Variants in EMSY observed in about 807,000 individuals in gnomAD.
EMSY encodes BRCA2-interacting transcriptional repressor EMSY.
A neutral mutation model predicts 134.6 loss-of-function variants in EMSY; 26 were observed. That is an observed-to-expected ratio of 0.19 (90% CI 0.14 to 0.27). EMSY has a LOEUF of 0.27. Among genes scored for constraint, EMSY ranks in the 10% least tolerant of loss-of-function variants. EMSY has a pLI of 1.00. For synonymous variants in EMSY, 579 were observed against 577.8 expected (o/e 1.00, Z -0.03); for missense variants, 1,305 against 1,611.4 (o/e 0.81, Z 3.26).
At chr11:76,512,148 T>C (rs1950300070) in intron 9 of EMSY, among the ~76,000 whole-genome samples, 1 of 152,214 alleles carries the variant, frequency 6.6e-6, no homozygotes, top group Non-Finnish European at 1.5e-5. Flanking sequence ...CATGAATTAT[T>C]TCAGTGAAGA....
At chr11:76,464,188 G>T in intron 7 of EMSY, 108 bp downstream of exon 8, 1 of 1,306,620 alleles carries the variant, frequency 7.7e-7, no homozygotes. Flanking sequence ...CATTATGCTG[G>T]GGATGTTCAC....
At chr11:76,449,566 C>T (rs1947566548) in intron 2 of EMSY, among the ~76,000 whole-genome samples, 1 of 152,178 alleles carries the variant, frequency 6.6e-6, no homozygotes, top group South Asian at 2.1e-4. Context: ...TTGACCTCTT[C>T]ATTTCTTTTT....
At position 76,512,223 on chromosome 11, in the gene EMSY, G is replaced by A. The variant is rs529900776; in HGVS notation, c.1364-1163G>A. On this transcript the variant is annotated intron_variant, in intron 9 of 20. Transcript: ENST00000334736. Reference sequence around the variant, plus strand: ...TAGCTACCAATTTAAATTTATAGTTGGCATAGGAAATTTTATTTTAACCCT... The same window carrying A: ...TAGCTACCAATTTAAATTTATAGTTAGCATAGGAAATTTTATTTTAACCCT... Among the ~76,000 whole-genome samples, 4 of 152,012 alleles carry A rather than the reference G, an allele frequency of 2.6e-5. No homozygotes were observed. The South Asian group carries it at 8.3e-4, about 32-fold the overall frequency.
At chr11:76,465,426 G>T (rs956546988) in intron 7 of EMSY, among the ~76,000 whole-genome samples, 1 of 151,918 alleles carries the variant, frequency 6.6e-6, no homozygotes, top group Non-Finnish European at 1.5e-5. Context: ...TAGGATTTTT[G>T]GGTGTAAATA....
chr11:76,539,064 A>C (rs1451729439), intron 16 of EMSY, among the ~76,000 whole-genome samples: 1 of 152,226 alleles, frequency 6.6e-6, no homozygotes, highest in Non-Finnish European at 1.5e-5. Flanking sequence ...TCTGGCAGCA[A>C]AACACTGAGA....
chr11:76,533,419 A>C (rs1174361912), intron 14 of EMSY, among the ~76,000 whole-genome samples: 1 of 152,150 alleles, frequency 6.6e-6, no homozygotes, highest in African/African-American at 2.4e-5. Context: ...TCAATATGAA[A>C]AAACTTTCTG....
At chr11:76,476,455 A>G (rs1310399189) in intron 8 of EMSY, among the ~76,000 whole-genome samples, 8 of 152,172 alleles carry the variant, frequency 5.3e-5, no homozygotes, top group Admixed American at 5.2e-4. Context: ...GCTTACCCTG[A>G]GGTACAATTC....
intron 17 of EMSY, among the ~76,000 whole-genome samples, chr11:76,541,813 T>C (rs1343168827): frequency 1.3e-5 from 2 of 152,190 alleles, no homozygotes; most frequent in African/African-American, 4.8e-5. Context: ...CTTAAAGATA[T>C]TATTTTGGGA....
chr11:76,519,150 C>T (rs1156551515), intron 11 of EMSY, among the ~76,000 whole-genome samples: 4 of 151,334 alleles, frequency 2.6e-5, no homozygotes, highest in South Asian at 2.1e-4. Context: ...CTGCTACCCC[C>T]GCCTCCCAGG....
chr11:76,505,742 A>G (rs569962904), intron 9 of EMSY, among the ~76,000 whole-genome samples: 4 of 152,150 alleles, frequency 2.6e-5, no homozygotes, highest in African/African-American at 4.8e-5. Context: ...CTGTAGTCCC[A>G]GCTACTTGGG....
At chr11:76,474,868 A>G (rs1040246174) in intron 8 of EMSY, among the ~76,000 whole-genome samples, 22 of 152,020 alleles carry the variant, frequency 1.4e-4, no homozygotes, top group African/African-American at 5.3e-4. Flanking sequence ...GGTTCAAGCA[A>G]TTCTCCTGCC....
chr11:76,488,265 A>G (rs569433105), intron 8 of EMSY, among the ~76,000 whole-genome samples: 1 of 152,344 alleles, frequency 6.6e-6, no homozygotes, highest in South Asian at 2.1e-4. Context: ...TAGGAGTTCA[A>G]CATCAGCCTG....
chr11:76,449,606 C>T (rs1947568374), intron 2 of EMSY, among the ~76,000 whole-genome samples: 1 of 152,110 alleles, frequency 6.6e-6, no homozygotes. Context: ...AAACATTTTG[C>T]AGGCTGCAAA....
intron 9 of EMSY, among the ~76,000 whole-genome samples, chr11:76,512,711 T>A (rs1309763600): frequency 2.7e-5 from 4 of 150,194 alleles, no homozygotes; most frequent in Non-Finnish European, 5.9e-5. Flanking sequence ...TAAAGAAAAA[T>A]TTAGAAAATG....
intron 17 of EMSY, among the ~76,000 whole-genome samples, chr11:76,540,348 T>C (rs977332033): frequency 1.2e-4 from 18 of 152,322 alleles, no homozygotes; most frequent in African/African-American, 4.3e-4. Flanking sequence ...AGTCATATTG[T>C]AAATTACTTC....
intron 8 of EMSY, among the ~76,000 whole-genome samples, chr11:76,481,934 C>T (rs1472644797): frequency 6.6e-6 from 1 of 152,196 alleles, no homozygotes; most frequent in African/African-American, 2.4e-5. Context: ...GGTTCCTGAC[C>T]TCCATGCCTC....
intron 2 of EMSY, among the ~76,000 whole-genome samples, chr11:76,450,517 A>G (rs1947617190): frequency 6.7e-6 from 1 of 149,030 alleles, no homozygotes; most frequent in Non-Finnish European, 1.5e-5. Context: ...TCTGAGACAG[A>G]GTCTTACTCT....
intron 4 of EMSY, among the ~76,000 whole-genome samples, chr11:76,455,523 C>T (rs1013324253): frequency 1.3e-5 from 2 of 152,006 alleles, no homozygotes; most frequent in Non-Finnish European, 2.9e-5. Flanking sequence ...AGGAATGCGC[C>T]TGAACTGACT....
intron 8 of EMSY, among the ~76,000 whole-genome samples, chr11:76,495,456 A>G (rs1008545822): frequency 6.6e-6 from 1 of 152,226 alleles, no homozygotes; most frequent in Admixed American, 6.5e-5. Context: ...GAAAAATTAC[A>G]GATGAAAAAC....
Sources: gnomAD v4.1 joint callset for allele counts (sites outside exome capture counted in the v4.1 genomes callset) on GRCh38, gnomAD v4.1.1 for gene constraint, MANE v1.5 for transcripts, NCBI Gene and HGNC (gene_info 2026-07-23, HGNC 2026-07-21) for gene names.